The following SMYD4 variants were observed in gnomAD, a reference collection of about 807,000 sequenced individuals.
SMYD4 encodes the protein protein-lysine N-methyltransferase SMYD4.
Under a neutral mutation model 72.8 loss-of-function variants are expected in SMYD4, and 68 were observed. The ratio of observed to expected loss-of-function variants is 0.93; its 90% CI spans 0.77 to 1.14. SMYD4 has a LOEUF of 1.14. Among genes scored for constraint, SMYD4 ranks in the 50% most tolerant of loss-of-function variants. The pLI is 0.00. For missense variants in SMYD4, 984 were observed against 1,003.7 expected, an observed-to-expected ratio of 0.98 and a Z score of 0.27; for synonymous variants, 407 against 388.6, an observed-to-expected ratio of 1.05 and a Z score of -0.56.
In SMYD4 at chr17:1,799,933, A is replaced by T; in HGVS notation, c.1461T>A (p.Ile487=). 3 of 1,613,934 alleles carry T rather than the reference A, an allele frequency of 1.9e-6. No homozygotes were observed. In the East Asian group the frequency reaches 6.7e-5, roughly 36 times the overall value. Residue 487 remains isoleucine (I), a synonymous_variant, in exon 5 of 11, where the codon ATT becomes ATA. Transcript: ENST00000305513. Reference sequence around the variant, plus strand: ...TGTGTCTCAGCATCGCCACTCCCCAAATAGTCACGTCAGGACACAATTCAG... The same window carrying T: ...TGTGTCTCAGCATCGCCACTCCCCATATAGTCACGTCAGGACACAATTCAG... ...VTPELCPDVT[I]WGVAMLRHML...
At chr17:1,792,884 C>T (rs1909136507) in intron 5 of SMYD4, among the ~76,000 whole-genome samples, 1 of 152,034 alleles carries the variant, frequency 6.6e-6, no homozygotes, top group East Asian at 1.9e-4. Context: ...ATTGGGCAAA[C>T]AGTACCACAA....
At chr17:1,801,108 A>T in intron 4 of SMYD4, 84 bp from the exon 5 acceptor site, 1 of 1,267,378 alleles carries the variant, frequency 7.9e-7, no homozygotes, top group Admixed American at 2.3e-5. Context: ...AATCTACAGG[A>T]AAGTTAAGGA....
At chr17:1,817,359 C>T (rs1910661149) in intron 2 of SMYD4, among the ~76,000 whole-genome samples, 1 of 150,090 alleles carries the variant, frequency 6.7e-6, no homozygotes, top group Non-Finnish European at 1.5e-5. Context: ...TTTTTTGAGA[C>T]AAGGTCTTGC....
intron 2 of SMYD4, 142 bp downstream of exon 2, chr17:1,827,719 T>C (rs983555824): frequency 8.7e-7 from 1 of 1,155,396 alleles, no homozygotes; most frequent in Non-Finnish European, 1.2e-6. Context: ...GAGGATTGCT[T>C]GAGCCCAGAA....
At chr17:1,781,555 C>A in intron 10 of SMYD4, 116 bp from the exon 11 acceptor site, 1 of 1,199,072 alleles carries the variant, frequency 8.3e-7, no homozygotes, top group Non-Finnish European at 1.2e-6. Context: ...AAGGATCCTA[C>A]AATCTAGAAC....
At chr17:1,807,343 G>C (rs1048817951) in intron 3 of SMYD4, among the ~76,000 whole-genome samples, 2 of 137,396 alleles carry the variant, frequency 1.5e-5, no homozygotes, top group East Asian at 4.3e-4. Flanking sequence ...TTTTTTTTTT[G>C]AGACAGAGTT....
chr17:1,803,451 A>AC (rs1463355793), intron 4 of SMYD4, among the ~76,000 whole-genome samples: 1 of 152,100 alleles, frequency 6.6e-6, no homozygotes, highest in Non-Finnish European at 1.5e-5. Context: ...AACACTGCTG[A>AC]CCTCTTGGAC....
chr17:1,785,246 AC>A (rs1365201789), intron 7 of SMYD4, among the ~76,000 whole-genome samples: 1 of 136,138 alleles, frequency 7.3e-6, no homozygotes, highest in African/African-American at 2.7e-5. Flanking sequence ...ACACGGTGAA[AC>A]CCCGTCTCTA....
intron 2 of SMYD4, among the ~76,000 whole-genome samples, chr17:1,824,092 C>A (rs2151255941): frequency 6.6e-6 from 1 of 152,264 alleles, no homozygotes; most frequent in South Asian, 2.1e-4. Context: ...CCTGTAATTC[C>A]AGGACTTTGG....
intron 2 of SMYD4, among the ~76,000 whole-genome samples, chr17:1,826,491 CAAAAAAAAAAAAAAAAA>C (rs111636314): frequency 0.45 from 46,288 of 103,620 alleles, 9,095 homozygotes; most frequent in African/African-American, 0.5. Flanking sequence ...AAACTCTGTC[CAAAAAAAAAAAAAAAAA>C]AAAAAAAAAA....
intron 7 of SMYD4, among the ~76,000 whole-genome samples, 154 bp downstream of exon 7, chr17:1,786,656 G>T (rs533346991): frequency 6.6e-6 from 1 of 152,338 alleles, no homozygotes; most frequent in African/African-American, 2.4e-5. Flanking sequence ...TCTCTGGAGG[G>T]GAACTAGTGT....
chr17:1,808,411 CG>C (rs1266953279), intron 3 of SMYD4, among the ~76,000 whole-genome samples: 2 of 152,094 alleles, frequency 1.3e-5, no homozygotes, highest in Non-Finnish European at 2.9e-5. Flanking sequence ...AAAAGAAAAA[CG>C]TATTTTCGGA....
At chr17:1,782,978 C>A in intron 10 of SMYD4, 57 bp downstream of exon 10, 1 of 1,562,738 alleles carries the variant, frequency 6.4e-7, no homozygotes, top group Non-Finnish European at 8.6e-7. Flanking sequence ...AAAGTAATAC[C>A]CAGAAGAGCC....
chr17:1,799,598 T>C (rs1909595390), intron 5 of SMYD4, among the ~76,000 whole-genome samples: 1 of 151,966 alleles, frequency 6.6e-6, no homozygotes, highest in African/African-American at 2.4e-5. Flanking sequence ...ATGGTCTTGA[T>C]CTCTGGACCT....
intron 2 of SMYD4, among the ~76,000 whole-genome samples, chr17:1,818,794 T>C (rs1358380034): frequency 1.3e-5 from 2 of 151,818 alleles, no homozygotes; most frequent in African/African-American, 4.8e-5. Context: ...GCACGTACTA[T>C]CATGCGTGGC....
chr17:1,787,012 A>G, intron 6 of SMYD4, 39 bp from the exon 7 acceptor site: 2 of 1,514,034 alleles, frequency 1.3e-6, no homozygotes, highest in Non-Finnish European at 1.8e-6. Flanking sequence ...TGAAAGCAAG[A>G]GAGAGTCAAA....
intron 5 of SMYD4, among the ~76,000 whole-genome samples, chr17:1,794,057 G>GTGTATA (rs1555575707): frequency 4.3e-5 from 2 of 46,826 alleles, no homozygotes; most frequent in African/African-American, 6.5e-5. Context: ...ATATATGTGT[G>GTGTATA]TATATATATG....
At chr17:1,802,319 C>T (rs771420183) in intron 4 of SMYD4, among the ~76,000 whole-genome samples, 2 of 151,966 alleles carry the variant, frequency 1.3e-5, no homozygotes, top group African/African-American at 4.8e-5. Context: ...AGATGAGACC[C>T]TGGGCTCTAT....
chr17:1,801,117 G>T lies in SMYD4; in HGVS notation c.370-93C>A, dbSNP rs928554230. 3.3e-6 allele frequency: 4 copies of T among 1,220,400 alleles called. No individual in the cohort carries two copies. The African/African-American group carries it at 4.5e-5, about 14-fold the overall frequency. The allele number at this position is 1,220,400 out of a possible 1,614,324, so 75.6% of individuals were successfully genotyped here. A position where few individuals can be genotyped will look rare whatever the true frequency, so the allele number is the denominator to read the frequency against. On this transcript the variant is annotated intron_variant, in intron 4 of 10. Transcript: ENST00000305513. ...TCCAAAAATCTACAGGAAAGTTAAG[G>T]ATTATTAAAAAATGGAACAATTACA... is the stretch of plus-strand genomic sequence containing the variant.
Sources: gnomAD v4.1 joint callset for allele counts (sites outside exome capture counted in the v4.1 genomes callset) on GRCh38, gnomAD v4.1.1 for gene constraint, MANE v1.5 for transcripts, NCBI Gene and HGNC (gene_info 2026-07-23, HGNC 2026-07-21) for gene names.